HIBADH: variants seen among roughly 807,000 people sequenced by gnomAD.
The protein encoded by HIBADH is 3-hydroxyisobutyrate dehydrogenase, mitochondrial.
Under a neutral mutation model 36.1 loss-of-function variants are expected in HIBADH, and 25 were observed. The observed-to-expected ratio is 0.69, with a 90% confidence interval of 0.50 to 0.97. The LOEUF is 0.97. Among genes scored for constraint, HIBADH ranks in the 50% least tolerant of loss-of-function variants. The probability of loss-of-function intolerance (pLI) is 0.00; values close to 1 mark genes in which losing one functional copy is unlikely to be tolerated. For missense variants in HIBADH, 421 were observed against 418.0 expected (o/e 1.01, Z -0.06); for synonymous variants, 160 against 149.5 (o/e 1.07, Z -0.51).
intron 4 of HIBADH, among the ~76,000 whole-genome samples, chr7:27,598,103 A>C (rs1785061227): frequency 6.6e-6 from 1 of 152,248 alleles, no homozygotes; most frequent in Non-Finnish European, 1.5e-5. Context: ...TCCAGTAGGT[A>C]AGTGGTGGCT....
chr7:27,539,460 GGA>G (rs899866671), intron 5 of HIBADH, among the ~76,000 whole-genome samples: 1 of 151,516 alleles, frequency 6.6e-6, no homozygotes, highest in Non-Finnish European at 1.5e-5. Context: ...ATTAAGAGGA[GGA>G]GAGAGAGTGT....
intron 4 of HIBADH, among the ~76,000 whole-genome samples, chr7:27,617,786 C>A (rs917967348): frequency 1.3e-5 from 2 of 152,154 alleles, no homozygotes. Flanking sequence ...CTGACACTAG[C>A]GCAGGTGGAG....
chr7:27,650,606 C>A (rs565452438), intron 1 of HIBADH, among the ~76,000 whole-genome samples: 110 of 150,990 alleles, frequency 7.3e-4, no homozygotes, highest in African/African-American at 2.5e-3. Context: ...AATTCTCATG[C>A]CTTAGCCTCC....
intron 4 of HIBADH, among the ~76,000 whole-genome samples, chr7:27,625,036 T>A (rs1785616447): frequency 6.6e-6 from 1 of 152,230 alleles, no homozygotes; most frequent in Admixed American, 6.5e-5. Context: ...GATGTATTTA[T>A]ATAGAACAAT....
chr7:27,613,656 GTTTT>G (rs769054200), intron 4 of HIBADH, among the ~76,000 whole-genome samples: 1 of 60,188 alleles, frequency 1.7e-5, no homozygotes. Flanking sequence ...GTTGTTGTGG[GTTTT>G]TTTTGTTTTT....
At chr7:27,646,718 CAG>C (rs1786079415) in intron 2 of HIBADH, among the ~76,000 whole-genome samples, 1 of 97,802 alleles carries the variant, frequency 1.0e-5, no homozygotes, top group South Asian at 3.4e-4. Flanking sequence ...TTTTTTGAGA[CAG>C]AGTCTCCCTC....
At chr7:27,558,784 C>G (rs1396250289) in intron 4 of HIBADH, among the ~76,000 whole-genome samples, 1 of 152,200 alleles carries the variant, frequency 6.6e-6, no homozygotes, top group African/African-American at 2.4e-5. Flanking sequence ...GGCCAAATCG[C>G]ATTCAGGAAA....
intron 3 of HIBADH, among the ~76,000 whole-genome samples, chr7:27,630,579 C>T (rs947391944): frequency 6.6e-6 from 1 of 151,808 alleles, no homozygotes; most frequent in Non-Finnish European, 1.5e-5. Flanking sequence ...AAGGAAAAAT[C>T]TTTCTATTAA....
chr7:27,564,194 G>A (rs569871897), intron 4 of HIBADH, among the ~76,000 whole-genome samples: 155 of 152,086 alleles, frequency 1.0e-3, no homozygotes, highest in African/African-American at 3.3e-3. Context: ...CACCGTGCCT[G>A]GCCGTTAATT....
chr7:27,594,674 T>C (rs763016876), intron 4 of HIBADH, among the ~76,000 whole-genome samples: 1 of 152,176 alleles, frequency 6.6e-6, no homozygotes, highest in Non-Finnish European at 1.5e-5. Flanking sequence ...TAAAAAATTC[T>C]GAGCGAGGGA....
intron 4 of HIBADH, among the ~76,000 whole-genome samples, chr7:27,628,594 G>A (rs1397139595): frequency 3.3e-5 from 5 of 152,032 alleles, no homozygotes; most frequent in Non-Finnish European, 7.4e-5. Context: ...CATTTCATTA[G>A]TGGGTCTTTT....
At chr7:27,655,245 T>A (rs928632138) in intron 1 of HIBADH, among the ~76,000 whole-genome samples, 10 of 152,178 alleles carry the variant, frequency 6.6e-5, no homozygotes, top group African/African-American at 2.4e-4. Context: ...AATAATGAAA[T>A]TTTGAATGCA....
chr7:27,556,719 G>C (rs1020979034), intron 4 of HIBADH, among the ~76,000 whole-genome samples: 4 of 152,090 alleles, frequency 2.6e-5, no homozygotes, highest in African/African-American at 9.7e-5. Flanking sequence ...TACATACAAA[G>C]GTCTGTTTGG....
intron 3 of HIBADH, among the ~76,000 whole-genome samples, chr7:27,632,072 CAT>C (rs1473464776): frequency 3.3e-5 from 5 of 152,048 alleles, no homozygotes; most frequent in Non-Finnish European, 5.9e-5. Context: ...GTCTCTTAAA[CAT>C]GTTACTAGTG....
intron 1 of HIBADH, among the ~76,000 whole-genome samples, chr7:27,654,415 G>A (rs62454912): frequency 0.093 from 14,151 of 151,800 alleles, 914 homozygotes; most frequent in Non-Finnish European, 0.14. Flanking sequence ...GAAACATGAA[G>A]AAAACCATAT....
chr7:27,577,046 T>C (rs942241941), intron 4 of HIBADH, among the ~76,000 whole-genome samples: 1 of 152,012 alleles, frequency 6.6e-6, no homozygotes, highest in Non-Finnish European at 1.5e-5. Context: ...GATTAACAAC[T>C]GTAAAAAACA....
At chr7:27,584,414 G>C (rs1029559446) in intron 4 of HIBADH, among the ~76,000 whole-genome samples, 2 of 152,026 alleles carry the variant, frequency 1.3e-5, no homozygotes, top group Non-Finnish European at 2.9e-5. Context: ...TTAAGGATTA[G>C]AAAGTTGTTA....
At chr7:27,626,126 A>AAAAAAAAAAAAAAAAAAAAAAAT in intron 4 of HIBADH, among the ~76,000 whole-genome samples, 1 of 149,776 alleles carries the variant, frequency 6.7e-6, no homozygotes, top group African/African-American at 2.5e-5. Flanking sequence ...AAAAAAAAAA[A>AAAAAAAAAAAAAAAAAAAAAAAT]GATGTACAGT....
chr7:27,574,564 G>A (rs994750547), intron 4 of HIBADH, among the ~76,000 whole-genome samples: 1 of 151,860 alleles, frequency 6.6e-6, no homozygotes, highest in African/African-American at 2.4e-5. Flanking sequence ...TCATAACTAA[G>A]TACATAGATA....
Sources: allele counts gnomAD v4.1 joint callset (sites outside exome capture counted in the v4.1 genomes callset), GRCh38; gene constraint gnomAD v4.1.1; transcripts MANE v1.5; gene names NCBI Gene and HGNC (gene_info 2026-07-23, HGNC 2026-07-21).